Variants in ANO5 observed in about 807,000 individuals in gnomAD.
ANO5 encodes the protein anoctamin 5, also known as anoctamin-5.
Under a neutral mutation model 121.0 loss-of-function variants are expected in ANO5, and 109 were observed. The observed-to-expected ratio is 0.90, with a 90% CI of 0.77 to 1.06. The LOEUF is 1.06. ANO5 is among the 50% of genes least tolerant of loss of function. The pLI, the probability that ANO5 is intolerant of heterozygous loss-of-function variation, is 0.00. For synonymous variants in ANO5, 406 were observed against 359.9 expected (o/e 1.13, Z -1.45); for missense variants, 1,064 against 1,078.5 (o/e 0.99, Z 0.19).
Position 22,257,732 on chromosome 11 carries a change from C to A in ANO5, c.1385C>A (p.Ser462Ter), listed in dbSNP as rs768130963. The A allele has an allele frequency of 6.2e-7, 1 of 1,611,944 alleles. No individual in the cohort carries two copies. The highest frequency in any genetic ancestry group is 1.3e-5 in the African/African-American group (1 of 74,832). Residue 462 changes from serine (S) to a stop codon, truncating the protein, a stop_gained, in exon 14 of 22, where the codon TCA (serine) becomes TAA (stop). Transcript: ENST00000324559. LOFTEE classifies it high-confidence loss of function. ...ACGCGTATTCCATGGTACTTTCTTTCAGGAGCCACAGTGACATTATGGGTG... is the reference window on the plus strand; with the variant it reads ...ACGCGTATTCCATGGTACTTTCTTTAAGGAGCCACAGTGACATTATGGGTG... ...LYTRIPWYFL[S>*]GATVTLWMSL...
chr11:22,243,606 T>C (rs1246695849), intron 9 of ANO5, among the ~76,000 whole-genome samples: 1 of 152,010 alleles, frequency 6.6e-6, no homozygotes, highest in Non-Finnish European at 1.5e-5. Context: ...AAACTTATAA[T>C]GGTCTGTTTG....
chr11:22,242,313 G>A (rs1853459303), intron 9 of ANO5, among the ~76,000 whole-genome samples: 1 of 152,084 alleles, frequency 6.6e-6, no homozygotes. Context: ...GCCAGGTAGT[G>A]TGATGCTTCC....
chr11:22,260,738 C>T (rs930686422), intron 15 of ANO5, among the ~76,000 whole-genome samples: 1 of 152,156 alleles, frequency 6.6e-6, no homozygotes, highest in African/African-American at 2.4e-5. Context: ...TGATACTCTT[C>T]CAGTATTGCT....
chr11:22,280,701 G>A lies in ANO5; in HGVS notation c.*936G>A, dbSNP rs1855046214. 6.6e-6 allele frequency: 1 copy of A among 151,932 alleles called. No homozygotes were observed. Among genetic ancestry groups the A allele is most frequent in the Admixed American group, 6.6e-5 (1 of 15,250 alleles). 9.4% of individuals were successfully genotyped at this position (151,932 alleles called of 1,614,324 possible). A position where few individuals can be genotyped will look rare whatever the true frequency, so the allele number is the denominator to read the frequency against. On this transcript the variant is annotated 3_prime_UTR_variant, in exon 22 of 22. Transcript: ENST00000324559. ...TTTTTGTATAAGTTAGATACGAGTTGTTTATGATAAACATTTCTTTGCTTT... is the reference window on the plus strand; with the variant it reads ...TTTTTGTATAAGTTAGATACGAGTTATTTATGATAAACATTTCTTTGCTTT...
At chr11:22,277,670 T>G (rs1400886051) in intron 21 of ANO5, 1 of 151,660 alleles carries the variant, frequency 6.6e-6, no homozygotes. Flanking sequence ...TATCAGTCTT[T>G]CATTCCAACA....
chr11:22,194,071 A>G (rs942269767), intron 1 of ANO5, among the ~76,000 whole-genome samples: 3 of 152,190 alleles, frequency 2.0e-5, no homozygotes, highest in Admixed American at 6.5e-5. Context: ...AGTTTGAGAT[A>G]CTGAGAGCCA....
chr11:22,250,439 T>C, intron 10 of ANO5, 68 bp downstream of exon 10: 2 of 1,587,996 alleles, frequency 1.3e-6, no homozygotes, highest in South Asian at 1.1e-5. Flanking sequence ...GTTGTTGTTA[T>C]TATTTCCCTG....
chr11:22,219,938 T>A (rs988781475), intron 4 of ANO5, among the ~76,000 whole-genome samples: 4 of 151,620 alleles, frequency 2.6e-5, no homozygotes, highest in Non-Finnish European at 5.9e-5. Context: ...CACACATTTC[T>A]TCCTGTGCAT....
intron 15 of ANO5, among the ~76,000 whole-genome samples, chr11:22,260,514 A>G (rs997891497): frequency 8.5e-5 from 13 of 152,204 alleles, no homozygotes; most frequent in Non-Finnish European, 1.6e-4. Flanking sequence ...CTTTCATTAT[A>G]TACTATCTTC....
intron 13 of ANO5, among the ~76,000 whole-genome samples, chr11:22,257,074 T>G (rs1019971436): frequency 1.1e-3 from 6 of 5,646 alleles, no homozygotes; most frequent in African/African-American, 0.013. Flanking sequence ...CTGACAGCGT[T>G]TTTTTTTTGT....
rs1826713217 is a variant in ANO5 at position 22,259,698 on chromosome 11, G to T, written c.1587G>T (p.Leu529Phe). The T allele has an allele frequency of 6.2e-7, 1 of 1,613,926 alleles. No individual in the cohort carries two copies. The highest frequency in any genetic ancestry group is 2.2e-5 in the East Asian group (1 of 44,834). Residue 529 changes from leucine (L) to phenylalanine (F), a missense_variant, in exon 15 of 22, where the codon TTG (leucine) becomes TTT (phenylalanine). Physicochemically the swap from Leu to Phe is conservative, Grantham distance 22. Transcript: ENST00000324559. ...TGAACTTTATTGTCATCTTGATCTT[G>T]AATTTCTTTTATGAAAAGATATCTG... ...SCLNFIVILILNFFYEKISAW... is the reference protein window; with the variant it reads ...SCLNFIVILIFNFFYEKISAW...
At chr11:22,230,763 T>A (rs1379709853) in intron 7 of ANO5, among the ~76,000 whole-genome samples, 1 of 151,886 alleles carries the variant, frequency 6.6e-6, no homozygotes, top group Admixed American at 6.6e-5. Flanking sequence ...AGCACCTCCA[T>A]TCAGGCATCA....
intron 17 of ANO5, among the ~76,000 whole-genome samples, chr11:22,263,979 G>C (rs945088814): frequency 2.7e-5 from 4 of 148,586 alleles, no homozygotes; most frequent in Admixed American, 2.0e-4. Flanking sequence ...TAGCCTTCTA[G>C]TTTCATGCTT....
At position 22,275,975 on chromosome 11, in the gene ANO5, T is replaced by C. The variant is rs186136950; in HGVS notation, c.2415-119T>C. 3.3e-4 allele frequency: 237 copies of C among 712,736 alleles called. 1 individual carries two copies. The highest frequency in any genetic ancestry group is 1.6e-3 in the Middle Eastern group (4 of 2,508). The allele number at this position is 712,736 out of a possible 1,614,324, so 44.2% of individuals were successfully genotyped here. The stretch of plus-strand genomic sequence containing the variant: ...TTCATAATATCAGTTAACTTTGACC[T>C]GATTTTTCTGATCAACTAGAAAGGT... On this transcript the variant is annotated intron_variant, in intron 20 of 21. Coordinates refer to ENST00000324559, the MANE Select transcript of ANO5 (RefSeq NM_213599.3).
chr11:22,202,184 T>C (rs987084974), intron 1 of ANO5, among the ~76,000 whole-genome samples: 6 of 151,986 alleles, frequency 3.9e-5, no homozygotes, highest in Admixed American at 1.3e-4. Flanking sequence ...AAATTATAAA[T>C]AAAATAAAGC....
chr11:22,219,962 T>A (rs1852588205), intron 4 of ANO5, among the ~76,000 whole-genome samples: 1 of 151,736 alleles, frequency 6.6e-6, no homozygotes, highest in African/African-American at 2.4e-5. Context: ...GAGCTAGTTT[T>A]TTTTCTGAGA....
At chr11:22,273,050 G>A (rs963268086) in intron 19 of ANO5, 61 bp downstream of exon 19, 12 of 1,451,138 alleles carry the variant, frequency 8.3e-6, no homozygotes, top group Non-Finnish European at 1.1e-5. Flanking sequence ...GTGGGGAGAT[G>A]TGAATGATGC....
intron 21 of ANO5, 145 bp from the exon 22 acceptor site, chr11:22,279,399 T>C: frequency 1.5e-6 from 1 of 675,440 alleles, no homozygotes; most frequent in South Asian, 1.8e-5. Flanking sequence ...ATGAAAGTTC[T>C]AGGACAGAGA....
chr11:22,211,055 A>G (rs551383134), intron 2 of ANO5, among the ~76,000 whole-genome samples: 2 of 152,082 alleles, frequency 1.3e-5, no homozygotes, highest in Admixed American at 1.3e-4. Context: ...CCTGCCCCAC[A>G]GGCACATTTA....
Sources: gnomAD v4.1 joint callset for allele counts (sites outside exome capture counted in the v4.1 genomes callset) on GRCh38, gnomAD v4.1.1 for gene constraint, MANE v1.5 for transcripts, NCBI Gene and HGNC (gene_info 2026-07-23, HGNC 2026-07-21) for gene names.